Variants in SULT4A1 observed in about 807,000 individuals in gnomAD.
SULT4A1 encodes the protein sulfotransferase 4A1.
SULT4A1 carries 11 observed loss-of-function variants against 35.2 expected under a neutral mutation model. The ratio of observed to expected loss-of-function variants is 0.31; its 90% CI spans 0.20 to 0.52. SULT4A1 has a LOEUF of 0.52. Ranked by LOEUF, SULT4A1 falls within the 20% of genes least tolerant of loss-of-function variation. The pLI is 0.97. For synonymous variants in SULT4A1, 152 were observed against 151.8 expected, an observed-to-expected ratio of 1.00 and a Z score of -0.01; for missense variants, 271 against 383.7, an observed-to-expected ratio of 0.71 and a Z score of 2.45.
At chr22:43,839,880 C>A in intron 3 of SULT4A1, 65 bp downstream of exon 3, 1 of 1,478,544 alleles carries the variant, frequency 6.8e-7, no homozygotes. Flanking sequence ...ATGTGTATTG[C>A]ACAGGGACCT....
At chr22:43,836,198 T>C (rs2063371734) in intron 4 of SULT4A1, among the ~76,000 whole-genome samples, 1 of 133,858 alleles carries the variant, frequency 7.5e-6, no homozygotes, top group African/African-American at 3.0e-5. Context: ...GTCCTCCGAC[T>C]GCAGGTGCCA....
intron 5 of SULT4A1, among the ~76,000 whole-genome samples, chr22:43,830,361 C>T (rs1323566029): frequency 6.6e-6 from 1 of 152,236 alleles, no homozygotes; most frequent in African/African-American, 2.4e-5. Context: ...GCAGAATCCT[C>T]GTGGGGCAGC....
intron 1 of SULT4A1, among the ~76,000 whole-genome samples, chr22:43,847,027 T>C (rs1052236987): frequency 1.3e-5 from 2 of 152,098 alleles, no homozygotes; most frequent in African/African-American, 4.8e-5. Context: ...TATGCCAGAA[T>C]ATCAGCCAAA....
chr22:43,841,793 C>G lies in SULT4A1; in HGVS notation c.300+9G>C, dbSNP rs2063431933. 1 of 1,611,370 alleles carries G rather than the reference C, an allele frequency of 6.2e-7. No individual in the cohort carries two copies. The highest frequency in any genetic ancestry group is 1.7e-4 in the Middle Eastern group (1 of 6,046). The stretch of plus-strand genomic sequence containing the variant: ...AGGTGCTGGGACAGGTGCTGCTGGC[C>G]CTGGGTACCTTGATGATGTCCAGGC... On this transcript the variant is annotated intron_variant, in intron 2 of 6. Transcript: ENST00000330884.
chr22:43,845,960 A>G (rs2063473692), intron 1 of SULT4A1, among the ~76,000 whole-genome samples: 1 of 152,134 alleles, frequency 6.6e-6, no homozygotes, highest in African/African-American at 2.4e-5. Flanking sequence ...CCCTGGTGCC[A>G]AAAAGGTTGG....
At chr22:43,841,160 G>A (rs549943007) in intron 2 of SULT4A1, among the ~76,000 whole-genome samples, 12 of 152,354 alleles carry the variant, frequency 7.9e-5, no homozygotes, top group South Asian at 2.1e-4. Context: ...GTTCAGGCCC[G>A]AGAGGCTGGG....
intron 1 of SULT4A1, among the ~76,000 whole-genome samples, chr22:43,854,200 G>A (rs1371698154): frequency 1.3e-5 from 2 of 152,146 alleles, no homozygotes; most frequent in Non-Finnish European, 2.9e-5. Context: ...GGGACTTCAC[G>A]GCCCCTCATA....
At chr22:43,827,889 G>C (rs1018178456) in intron 6 of SULT4A1, among the ~76,000 whole-genome samples, 1 of 152,148 alleles carries the variant, frequency 6.6e-6, no homozygotes, top group African/African-American at 2.4e-5. Flanking sequence ...AAATATTTAT[G>C]AAAATGCAGC....
chr22:43,841,006 C>G (rs1256587128), intron 2 of SULT4A1, among the ~76,000 whole-genome samples: 2 of 152,214 alleles, frequency 1.3e-5, no homozygotes, highest in Non-Finnish European at 2.9e-5. Context: ...ACTATGGCTT[C>G]CTGGGCTGAA....
chr22:43,850,901 T>C (rs1008207029), intron 1 of SULT4A1, among the ~76,000 whole-genome samples: 3 of 151,934 alleles, frequency 2.0e-5, no homozygotes, highest in Non-Finnish European at 2.9e-5. Flanking sequence ...TGTGGGAGCT[T>C]TGAGATCTTC....
intron 6 of SULT4A1, 194 bp downstream of exon 6, chr22:43,828,866 C>T: frequency 3.7e-6 from 2 of 541,154 alleles, no homozygotes; most frequent in Non-Finnish European, 3.1e-6. Context: ...GGGCAGGGTA[C>T]TCCGTCACTC....
At chr22:43,849,305 G>A (rs947530265) in intron 1 of SULT4A1, among the ~76,000 whole-genome samples, 1 of 152,172 alleles carries the variant, frequency 6.6e-6, no homozygotes, top group Non-Finnish European at 1.5e-5. Context: ...GAAAGATGGG[G>A]CAGAAGACGG....
chr22:43,853,101 C>T (rs1044777136), intron 1 of SULT4A1, among the ~76,000 whole-genome samples: 6 of 151,914 alleles, frequency 3.9e-5, no homozygotes, highest in East Asian at 1.9e-4. Context: ...AAACACAGCA[C>T]GCACACACAC....
chr22:43,847,811 C>A (rs2063486342), intron 1 of SULT4A1, among the ~76,000 whole-genome samples: 1 of 152,250 alleles, frequency 6.6e-6, no homozygotes, highest in Non-Finnish European at 1.5e-5. Context: ...CTGGCTGGGG[C>A]AAGCCCTGTG....
At chr22:43,842,072 G>A (rs1443310702) in intron 1 of SULT4A1, 140 bp from the exon 2 acceptor site, 25 of 1,334,710 alleles carry the variant, frequency 1.9e-5, no homozygotes, top group Middle Eastern at 2.7e-4. Context: ...GGGAAGAGGA[G>A]CGCGCCCCGC....
intron 6 of SULT4A1, chr22:43,826,677 T>C (rs1191058009): frequency 2.0e-6 from 2 of 985,282 alleles, no homozygotes; most frequent in Non-Finnish European, 2.4e-6. Flanking sequence ...TAGGAAGCCC[T>C]CCTGACTGGG....
At chr22:43,827,488 G>C in intron 6 of SULT4A1, 1 of 1,302,494 alleles carries the variant, frequency 7.7e-7, no homozygotes. Flanking sequence ...TGAGACAGCT[G>C]AGAGCTCGTC....
At chr22:43,857,949 C>G (rs12172457) in intron 1 of SULT4A1, among the ~76,000 whole-genome samples, 1 of 148,022 alleles carries the variant, frequency 6.8e-6, no homozygotes, top group Non-Finnish European at 1.5e-5. Context: ...ACTTGGGAGG[C>G]TGAGGCAGGA....
At chr22:43,841,368 G>A (rs535368656) in intron 2 of SULT4A1, among the ~76,000 whole-genome samples, 6 of 152,298 alleles carry the variant, frequency 3.9e-5, no homozygotes, top group South Asian at 2.1e-4. Context: ...GAGGTGCAGC[G>A]GACGGGGTGG....
Sources: gnomAD v4.1 joint callset for allele counts (sites outside exome capture counted in the v4.1 genomes callset) on GRCh38, gnomAD v4.1.1 for gene constraint, MANE v1.5 for transcripts, NCBI Gene and HGNC (gene_info 2026-07-23, HGNC 2026-07-21) for gene names.